Variants in CNBD2 observed in about 807,000 individuals in gnomAD.
CNBD2 encodes cyclic nucleotide binding domain containing 2, also known as cyclic nucleotide-binding domain-containing protein 2.
CNBD2 carries 64 observed loss-of-function variants against 63.7 expected under a neutral mutation model. The observed-to-expected ratio is 1.00, with a 90% CI of 0.82 to 1.24. The LOEUF (loss-of-function observed/expected upper bound fraction) is 1.24. Among genes scored for constraint, CNBD2 ranks in the 50% most tolerant of loss-of-function variants. The probability of loss-of-function intolerance (pLI) is 0.00; values close to 1 mark genes in which losing one functional copy is unlikely to be tolerated. For missense variants in CNBD2, 691 were observed against 713.5 expected, an observed-to-expected ratio of 0.97 and a Z score of 0.36; for synonymous variants, 229 against 255.4, an observed-to-expected ratio of 0.90 and a Z score of 0.99.
Position 36,008,407 on chromosome 20 carries a change from A to C in CNBD2, c.1081A>C (p.Thr361Pro). The C allele has an allele frequency of 6.2e-7, 1 of 1,614,144 alleles. No homozygotes were observed. The highest frequency in any genetic ancestry group is 8.5e-7 in the Non-Finnish European group (1 of 1,180,026). ...CAAAAAAGCCTGGGGGCTACAGGGGACAAGCTTCAGCAGGAAGATCAGAAC... is the reference window on the plus strand; with the variant it reads ...CAAAAAAGCCTGGGGGCTACAGGGGCCAAGCTTCAGCAGGAAGATCAGAAC... ...HLKKAWGLQG[T>P]SFSRKIRTSG... Residue 361 changes from threonine (T) to proline (P), a missense_variant, in exon 9 of 12, where the codon ACA becomes CCA. Transcript: ENST00000373973.
At chr20:35,954,620 G>C, upstream of CNBD2, 1 of 1,345,312 alleles carries the variant, frequency 7.4e-7, no homozygotes, top group Non-Finnish European at 9.8e-7. Flanking sequence ...AGGGCGAGCT[G>C]CGCGTGGCCT....
rs2056684862 is a variant in CNBD2, at chr20:35,987,509, AC to A, written c.834del (p.Phe279SerfsTer34). On this transcript the variant is annotated frameshift_variant, in exon 7 of 12. Coordinates refer to ENST00000373973, the MANE Select transcript of CNBD2 (RefSeq NM_001365709.1). LOFTEE classifies it high-confidence loss of function. ...TGATCTCAAAAGATTTTGGAGAGTC[AC>A]CCTTCATCATGTTTATCAGCAAGGT... ...QLISKDFGES[P>X]FIMFISKGSC... 1.2e-6 allele frequency: 2 copies of A among 1,614,164 alleles called. No homozygotes were observed. Among genetic ancestry groups the A allele is most frequent in the Non-Finnish European group, 1.7e-6 (2 of 1,180,016 alleles).
At chr20:36,010,049 G>A (rs967453162) in intron 9 of CNBD2, among the ~76,000 whole-genome samples, 7 of 152,120 alleles carry the variant, frequency 4.6e-5, no homozygotes, top group Non-Finnish European at 1.0e-4. Context: ...CGGTATGATT[G>A]TCACGACTGG....
Position 36,023,684 on chromosome 20 carries a change from G to A in CNBD2, c.1352G>A (p.Arg451Gln), listed in dbSNP as rs1173806328. Residue 451 changes from arginine (R) to glutamine (Q), a missense_variant, in exon 11 of 12, where the codon CGG becomes CAG. Physicochemically the swap from Arg to Gln is conservative, Grantham distance 43 (BLOSUM62 1). Coordinates refer to ENST00000373973, the MANE Select transcript of CNBD2 (RefSeq NM_001365709.1). ...ATGAGCCTGGGAAATGAGTTGATAC[G>A]GATAAGGAAGGAAATATTTTATGAA... is the stretch of plus-strand genomic sequence containing the variant. ...ILMSLGNELI[R>Q]IRKEIFYELI... 1.2e-5 allele frequency: 20 copies of A among 1,613,662 alleles called. No homozygotes were observed. The highest frequency in any genetic ancestry group is 1.7e-5 in the Admixed American group (1 of 59,950).
At chr20:36,017,037 C>T (rs1350682863) in intron 10 of CNBD2, among the ~76,000 whole-genome samples, 11 of 125,680 alleles carry the variant, frequency 8.8e-5, no homozygotes, top group Non-Finnish European at 1.6e-4. Flanking sequence ...TCAATCTGAA[C>T]AATAGAATGA....
At chr20:36,002,056 T>G (rs904606117) in intron 8 of CNBD2, among the ~76,000 whole-genome samples, 14 of 152,022 alleles carry the variant, frequency 9.2e-5, no homozygotes, top group Admixed American at 4.6e-4. Context: ...GGCTGGGTGG[T>G]GGAGGTTGTA....
At chr20:36,026,177 G>A (rs1223502448) in intron 11 of CNBD2, among the ~76,000 whole-genome samples, 2 of 152,114 alleles carry the variant, frequency 1.3e-5, no homozygotes, top group Non-Finnish European at 1.5e-5. Flanking sequence ...GGGACAACAG[G>A]CAGGCGCCAC....
chr20:36,007,100 A>G (rs545055711), intron 8 of CNBD2, among the ~76,000 whole-genome samples: 1 of 152,140 alleles, frequency 6.6e-6, no homozygotes, highest in East Asian at 1.9e-4. Context: ...GAGACAGGAG[A>G]ATGGCATGAA....
At chr20:36,006,709 C>T (rs531888532) in intron 8 of CNBD2, among the ~76,000 whole-genome samples, 5 of 152,314 alleles carry the variant, frequency 3.3e-5, no homozygotes, top group South Asian at 4.1e-4. Flanking sequence ...TGAGCCACTG[C>T]GCCTGGCCAT....
downstream of CNBD2, among the ~76,000 whole-genome samples, chr20:35,957,996 G>A (rs2056272983): frequency 6.6e-6 from 1 of 152,210 alleles, no homozygotes; most frequent in Non-Finnish European, 1.5e-5. Context: ...TGAGAAGGCA[G>A]AGCTCTCATA....
chr20:35,997,805 T>C (rs1325621409), intron 8 of CNBD2, among the ~76,000 whole-genome samples: 1 of 152,226 alleles, frequency 6.6e-6, no homozygotes. Flanking sequence ...CAGTAAATGT[T>C]TCTTCTCATG....
intron 11 of CNBD2, among the ~76,000 whole-genome samples, chr20:36,029,603 T>C (rs1162268173): frequency 6.6e-6 from 1 of 152,176 alleles, no homozygotes; most frequent in Non-Finnish European, 1.5e-5. Flanking sequence ...CAGCTGGCTT[T>C]GTCATATTGC....
At chr20:35,986,812 C>A (rs756330936) in intron 6 of CNBD2, among the ~76,000 whole-genome samples, 1 of 152,132 alleles carries the variant, frequency 6.6e-6, no homozygotes, top group African/African-American at 2.4e-5. Context: ...AGCCTGTGAA[C>A]GTGGTGTTCA....
chr20:35,959,538 A>G (rs1036847878), downstream of CNBD2: 3 of 152,218 alleles, frequency 2.0e-5, no homozygotes, highest in African/African-American at 7.2e-5. Flanking sequence ...TTATAAAACC[A>G]TCAGATCTCG....
At chr20:35,956,899 A>G (rs2056262123), downstream of CNBD2, among the ~76,000 whole-genome samples, 1 of 152,248 alleles carries the variant, frequency 6.6e-6, no homozygotes, top group Non-Finnish European at 1.5e-5. Context: ...AAAACTGTGG[A>G]AACTGCAGGC....
At chr20:35,963,079 C>G (rs1353754512) in intron 2 of CNBD2, among the ~76,000 whole-genome samples, 2 of 152,120 alleles carry the variant, frequency 1.3e-5, no homozygotes, top group African/African-American at 2.4e-5. Context: ...CGTGGTGGCT[C>G]ACATCTCTAA....
chr20:35,972,721 C>T lies in CNBD2; in HGVS notation c.144C>T (p.Ile48=). 1.2e-6 allele frequency: 2 copies of T among 1,614,068 alleles called. No individual in the cohort carries two copies. Among genetic ancestry groups the T allele is most frequent in the Non-Finnish European group, 1.7e-6 (2 of 1,179,990 alleles). Residue 48 remains isoleucine (I), a synonymous_variant, in exon 2 of 12, where the codon ATC becomes ATT. Coordinates refer to ENST00000373973, the MANE Select transcript of CNBD2 (RefSeq NM_001365709.1). ...QGLRGFREYQ[I]IETAHWKHPI... is the part of the protein sequence containing the mutation. ...TCAGGGGATTCCGGGAATATCAAAT[C>T]ATTGAGACTGCTCACTGGAAGCACC...
intron 1 of CNBD2, among the ~76,000 whole-genome samples, chr20:35,972,179 G>C (rs1476059365): frequency 6.6e-6 from 1 of 152,140 alleles, no homozygotes. Flanking sequence ...TCCTTGGCTT[G>C]TGGGCCCTTC....
Position 35,984,271 on chromosome 20 carries a change from A to G in CNBD2, c.564+133A>G. 10 of 898,256 alleles carry G rather than the reference A, an allele frequency of 1.1e-5. No individual in the cohort carries two copies. In the South Asian group the frequency reaches 1.8e-4, roughly 16 times the overall value. The allele number at this position is 898,256 out of a possible 1,614,324, so 55.6% of individuals were successfully genotyped here. A position where few individuals can be genotyped will look rare whatever the true frequency, so the allele number is the denominator to read the frequency against. On this transcript the variant is annotated intron_variant, in intron 5 of 11. Transcript: ENST00000373973. Reference sequence around the variant, plus strand: ...AGTCAGTGTCCCGTGTGGGCCCCTTACCTGTCAAATGCTAATTGAGTTGGA... The same window carrying G: ...AGTCAGTGTCCCGTGTGGGCCCCTTGCCTGTCAAATGCTAATTGAGTTGGA...
Sources: allele counts gnomAD v4.1 joint callset (sites outside exome capture counted in the v4.1 genomes callset), GRCh38; gene constraint gnomAD v4.1.1; transcripts MANE v1.5; gene names NCBI Gene and HGNC (gene_info 2026-07-23, HGNC 2026-07-21).